FNDC3A: variants seen among roughly 807,000 people sequenced by gnomAD.
The protein encoded by FNDC3A is fibronectin type-III domain-containing protein 3A.
FNDC3A carries 32 observed loss-of-function variants against 148.9 expected under a neutral mutation model. That is an observed-to-expected ratio of 0.21 (90% CI 0.16 to 0.29). FNDC3A has a LOEUF of 0.29. Ranked by LOEUF, FNDC3A falls within the 10% of genes least tolerant of loss-of-function variation. FNDC3A has a pLI of 1.00. For synonymous variants in FNDC3A, 472 were observed against 473.6 expected (o/e 1.00, Z 0.04); for missense variants, 1,191 against 1,452.8 (o/e 0.82, Z 2.93).
In FNDC3A at chr13:49,198,249, C is replaced by A; in HGVS notation, c.2758C>A (p.Pro920Thr). Reference protein sequence around the residue: ...VTSYIINNLQPDTTYRIRIQA... With the variant: ...VTSYIINNLQTDTTYRIRIQA... Reference sequence around the variant, plus strand: ...AAGCTATATTATCAACAATTTGCAACCAGATACAACATACAGGTATACTCT... The same window carrying A: ...AAGCTATATTATCAACAATTTGCAAACAGATACAACATACAGGTATACTCT... The change falls in exon 22 of 26, where the codon CCA becomes ACA. Residue 920 changes from proline to threonine, a missense_variant. Pro to Thr is a conservative substitution (Grantham distance 38, BLOSUM62 -1). Transcript: ENST00000492622. 1 of 1,613,746 alleles carries A rather than the reference C, an allele frequency of 6.2e-7. No homozygotes were observed.
intron 3 of FNDC3A, among the ~76,000 whole-genome samples, chr13:49,076,622 T>C (rs1325257434): frequency 6.6e-6 from 1 of 152,022 alleles, no homozygotes; most frequent in Non-Finnish European, 1.5e-5. Flanking sequence ...ATTGTGAAGG[T>C]TCCTGATACA....
chr13:49,128,265 C>G (rs142881929), intron 4 of FNDC3A, among the ~76,000 whole-genome samples: 1 of 152,148 alleles, frequency 6.6e-6, no homozygotes, highest in Non-Finnish European at 1.5e-5. Context: ...TCATCTCTTG[C>G]CTAGATTACT....
chr13:49,175,307 C>G, intron 12 of FNDC3A, 60 bp from the exon 13 acceptor site: 1 of 1,235,330 alleles, frequency 8.1e-7, no homozygotes, highest in East Asian at 2.6e-5. Context: ...CTGTCACAAA[C>G]TTGTTCTTTC....
At chr13:49,040,553 G>GT (rs1874846821) in intron 2 of FNDC3A, among the ~76,000 whole-genome samples, 1 of 152,202 alleles carries the variant, frequency 6.6e-6, no homozygotes, top group African/African-American at 2.4e-5. Context: ...TAATGAAACT[G>GT]TCAGATCTGA....
intron 8 of FNDC3A, among the ~76,000 whole-genome samples, chr13:49,152,656 T>G (rs930899580): frequency 6.6e-6 from 1 of 150,890 alleles, no homozygotes; most frequent in African/African-American, 2.4e-5. Context: ...CTCCCAATGC[T>G]ACCCCTCCCC....
chr13:49,202,932 C>T (rs959363273), intron 24 of FNDC3A, among the ~76,000 whole-genome samples: 9 of 152,216 alleles, frequency 5.9e-5, no homozygotes, highest in Non-Finnish European at 1.3e-4. Context: ...TATGATCGCA[C>T]CACTGTTGTC....
At chr13:49,040,003 C>T (rs1310692943) in intron 2 of FNDC3A, among the ~76,000 whole-genome samples, 4 of 152,124 alleles carry the variant, frequency 2.6e-5, no homozygotes, top group African/African-American at 4.8e-5. Context: ...CGTGAGCCAC[C>T]GTGCTGGCCC....
intron 2 of FNDC3A, among the ~76,000 whole-genome samples, chr13:49,027,823 G>A (rs532410951): frequency 1.1e-4 from 16 of 152,190 alleles, no homozygotes; most frequent in African/African-American, 3.9e-4. Context: ...ATAAAACAGA[G>A]CAAAATAGCA....
chr13:49,112,492 A>G (rs1418034309), intron 3 of FNDC3A, among the ~76,000 whole-genome samples: 1 of 152,230 alleles, frequency 6.6e-6, no homozygotes, highest in Non-Finnish European at 1.5e-5. Flanking sequence ...ATGTTTGCTT[A>G]AACTTAAGAA....
intron 3 of FNDC3A, among the ~76,000 whole-genome samples, chr13:49,106,578 C>T (rs533614498): frequency 2.0e-5 from 3 of 152,196 alleles, no homozygotes; most frequent in Admixed American, 2.0e-4. Flanking sequence ...CCCAAAGTGC[C>T]GGCATTACAG....
intron 3 of FNDC3A, among the ~76,000 whole-genome samples, chr13:49,091,994 G>A (rs1366620917): frequency 1.3e-5 from 2 of 152,232 alleles, no homozygotes; most frequent in African/African-American, 4.8e-5. Flanking sequence ...GCCAAGAGCT[G>A]TCTCTCCAAA....
intron 3 of FNDC3A, among the ~76,000 whole-genome samples, chr13:49,079,412 C>G (rs557910578): frequency 2.0e-4 from 30 of 152,246 alleles, no homozygotes; most frequent in African/African-American, 6.3e-4. Flanking sequence ...AGGAGGGTTA[C>G]TATAACATTC....
intron 2 of FNDC3A, among the ~76,000 whole-genome samples, chr13:49,074,339 T>C (rs984383207): frequency 1.3e-5 from 2 of 152,182 alleles, no homozygotes; most frequent in African/African-American, 2.4e-5. Flanking sequence ...AAAATAGTGA[T>C]GTTTGGTTTT....
chr13:49,055,908 C>G (rs1486083118), intron 2 of FNDC3A, among the ~76,000 whole-genome samples: 1 of 151,966 alleles, frequency 6.6e-6, no homozygotes, highest in Non-Finnish European at 1.5e-5. Context: ...TTACAGAGGC[C>G]GGGTGTGGTG....
rs186540685 is a variant in FNDC3A, at chr13:49,171,923, C to T, written c.1177-120C>T. ...ATTTTTGTATTTTTATGAACATTTT[C>T]GCAGGACCAAGTCACAGAAAACATC... On this transcript the variant is annotated intron_variant, in intron 10 of 25. Coordinates refer to ENST00000492622, the MANE Select transcript of FNDC3A (RefSeq NM_001079673.2). 87 of 648,950 alleles carry T rather than the reference C, an allele frequency of 1.3e-4. No individual in the cohort carries two copies. The Middle Eastern group carries it at 2.2e-3, about 16-fold the overall frequency. The allele number at this position is 648,950 out of a possible 1,614,324, so 40.2% of individuals were successfully genotyped here. A position where few individuals can be genotyped will look rare whatever the true frequency, so the allele number is the denominator to read the frequency against.
chr13:49,188,371 C>T, intron 16 of FNDC3A, 144 bp from the exon 17 acceptor site: 1 of 624,686 alleles, frequency 1.6e-6, no homozygotes, highest in Non-Finnish European at 2.9e-6. Context: ...TAGATCATTT[C>T]CAGGAAACCG....
intron 6 of FNDC3A, among the ~76,000 whole-genome samples, chr13:49,137,035 C>T (rs527905151): frequency 6.6e-6 from 1 of 152,210 alleles, no homozygotes; most frequent in South Asian, 2.1e-4. Flanking sequence ...CTGTTTTGCC[C>T]ATGCTGGTCT....
At chr13:49,206,985 C>G in intron 25 of FNDC3A, 96 bp from the exon 26 acceptor site, 1 of 810,674 alleles carries the variant, frequency 1.2e-6, no homozygotes, top group Non-Finnish European at 2.0e-6. Flanking sequence ...CATTCACTGG[C>G]TTTCACATGA....
chr13:49,164,368 T>C (rs1398391076), intron 8 of FNDC3A, among the ~76,000 whole-genome samples: 5 of 152,198 alleles, frequency 3.3e-5, no homozygotes, highest in Non-Finnish European at 5.9e-5. Flanking sequence ...GCAGAAGACC[T>C]TTTTGCATTC....
Sources: allele counts gnomAD v4.1 joint callset (sites outside exome capture counted in the v4.1 genomes callset), GRCh38; gene constraint gnomAD v4.1.1; transcripts MANE v1.5; gene names NCBI Gene and HGNC (gene_info 2026-07-23, HGNC 2026-07-21).